The following SCNN1B variants were observed in gnomAD, a reference collection of about 807,000 sequenced individuals.
The protein encoded by SCNN1B is epithelial sodium channel subunit beta.
Under a neutral mutation model 65.3 loss-of-function variants are expected in SCNN1B, and 46 were observed. The observed-to-expected ratio is 0.70, with a 90% CI of 0.56 to 0.90. The LOEUF is 0.90. SCNN1B is among the 40% of genes least tolerant of loss of function. The pLI is 0.00. For missense variants in SCNN1B, 751 were observed against 830.5 expected (o/e 0.90, Z 1.18); for synonymous variants, 349 against 330.6 (o/e 1.06, Z -0.60).
chr16:23,377,391 G>A lies in SCNN1B; in HGVS notation c.1404+5G>A, dbSNP rs757660016. 6.2e-7 allele frequency: 1 copy of A among 1,614,106 alleles called. No individual in the cohort carries two copies. The highest frequency in any genetic ancestry group is 2.2e-5 in the East Asian group (1 of 44,880). ...TGGCCTTCTGAGGCCTCCGAGGTGA[G>A]ACAGTTGGGGGCCAAGCTCCTGGCT... On this transcript the variant is annotated splice_donor_5th_base_variant and intron_variant, in intron 10 of 12. Coordinates refer to ENST00000343070, the MANE Select transcript of SCNN1B (RefSeq NM_000336.3).
chr16:23,306,530 A>G (rs1391194413), intron 1 of SCNN1B, among the ~76,000 whole-genome samples: 1 of 117,126 alleles, frequency 8.5e-6, no homozygotes, highest in Non-Finnish European at 1.6e-5. Flanking sequence ...TGGTAGGAAC[A>G]TAAGTAAGGG....
intron 1 of SCNN1B, among the ~76,000 whole-genome samples, chr16:23,334,894 G>GT (rs1271785830): frequency 6.6e-6 from 1 of 152,086 alleles, no homozygotes; most frequent in Non-Finnish European, 1.5e-5. Flanking sequence ...ACATAAACGT[G>GT]TTTTTTTCCC....
chr16:23,296,730 A>G (rs1961002677), intron 2 of SCNN1B, among the ~76,000 whole-genome samples: 2 of 152,170 alleles, frequency 1.3e-5, no homozygotes, highest in Admixed American at 1.3e-4. Context: ...GGACGGGCGC[A>G]GTGCCTCAGG....
Position 23,375,670 on chromosome 16 carries a change from G to C in SCNN1B, c.1153-68G>C. 5.4e-6 allele frequency: 6 copies of C among 1,115,978 alleles called. No individual in the cohort carries two copies. In the South Asian group the frequency reaches 7.4e-5, roughly 14 times the overall value. 69.1% of individuals were successfully genotyped at this position (1,115,978 alleles called of 1,614,324 possible). The stretch of plus-strand genomic sequence containing the variant: ...GGGCATCACTTCTCTGGACACCCCT[G>C]GTGCTGGAATGGGGACATCACTGAC... On this transcript the variant is annotated intron_variant, in intron 7 of 12. Transcript: ENST00000343070.
At position 23,284,309 on chromosome 16, in the gene SCNN1B, G is replaced by A. The variant is rs570376633; in HGVS notation, n.178+505G>A. Among the ~76,000 whole-genome samples the A allele has an allele frequency of 3.3e-5, 5 of 152,178 alleles. No homozygotes were observed. In the South Asian group the frequency reaches 8.3e-4, roughly 25 times the overall value. On this transcript the variant is annotated intron_variant and non_coding_transcript_variant, in intron 2 of 3. Coordinates refer to the SCNN1B transcript ENST00000569789. ...AATCCCAGCTACTCGGGAGGCTGAGGTAGAAGAATTGCTTGAACCCAGGAG... is the reference window on the plus strand; with the variant it reads ...AATCCCAGCTACTCGGGAGGCTGAGATAGAAGAATTGCTTGAACCCAGGAG...
rs1002056316 is a variant in SCNN1B at position 23,365,434 on chromosome 16, GAAGA to G, written c.777-2409_777-2406del. On this transcript the variant is annotated intron_variant, in intron 4 of 12. Transcript: ENST00000343070. Reference sequence around the variant, plus strand: ...GAGAAAGAAAGAGAAAGAAAGGAAGGAAGAAAGAAAGAAAGAGAAGGAGAAAGAG... The same window carrying G: ...GAGAAAGAAAGAGAAAGAAAGGAAGGAAGAAAGAAAGAGAAGGAGAAAGAG... Among the ~76,000 whole-genome samples the G allele has an allele frequency of 7.6e-4, 104 of 135,952 alleles. 1 individual carries two copies. The highest frequency in any genetic ancestry group is 1.7e-3 in the South Asian group (7 of 4,188). 89.2% of individuals were successfully genotyped at this position (135,952 alleles called of 152,430 possible).
chr16:23,376,146 T>C (rs1394455111), intron 8 of SCNN1B, among the ~76,000 whole-genome samples: 1 of 152,254 alleles, frequency 6.6e-6, no homozygotes, highest in African/African-American at 2.4e-5. Flanking sequence ...TGCTCACACA[T>C]GTGCAACCCT....
chr16:23,302,025 G>A (rs187099952), upstream of SCNN1B, among the ~76,000 whole-genome samples: 3 of 152,226 alleles, frequency 2.0e-5, no homozygotes, highest in African/African-American at 7.2e-5. Context: ...TGTACTGAGG[G>A]GACGTGGGGT....
intron 1 of SCNN1B, among the ~76,000 whole-genome samples, chr16:23,342,687 GT>G (rs1172081741): frequency 6.6e-6 from 1 of 152,168 alleles, no homozygotes; most frequent in East Asian, 1.9e-4. Context: ...ATCTCCTAGT[GT>G]TTTAAGAAAG....
At chr16:23,325,298 A>C (rs1386383212) in intron 1 of SCNN1B, among the ~76,000 whole-genome samples, 1 of 151,708 alleles carries the variant, frequency 6.6e-6, no homozygotes, top group Non-Finnish European at 1.5e-5. Flanking sequence ...CTGGAGTCTC[A>C]CTTTGTCGCC....
intron 3 of SCNN1B, 82 bp downstream of exon 3, chr16:23,353,156 G>A (rs2142020533): frequency 3.4e-6 from 5 of 1,464,724 alleles, no homozygotes; most frequent in Non-Finnish European, 4.8e-6. Context: ...AGTAATTTGA[G>A]TCTCGCTGGG....
At chr16:23,378,625 C>A in intron 10 of SCNN1B, 81 bp from the exon 11 acceptor site, 1 of 1,330,856 alleles carries the variant, frequency 7.5e-7, no homozygotes, top group Non-Finnish European at 1.1e-6. Context: ...GGGCTGTGGT[C>A]TACCTCCCCC....
At chr16:23,287,020 TTG>T (rs962809069) in intron 2 of SCNN1B, among the ~76,000 whole-genome samples, 1 of 151,314 alleles carries the variant, frequency 6.6e-6, no homozygotes, top group African/African-American at 2.4e-5. Context: ...TTTTTTTTTT[TTG>T]AGACAGAGTT....
chr16:23,378,013 A>AT (rs564336750), intron 10 of SCNN1B, among the ~76,000 whole-genome samples: 42 of 152,110 alleles, frequency 2.8e-4, no homozygotes, highest in Non-Finnish European at 4.7e-4. Flanking sequence ...TTTTTACTTT[A>AT]TTTTTTATTT....
At chr16:23,333,190 GA>G (rs1961861932) in intron 1 of SCNN1B, among the ~76,000 whole-genome samples, 2 of 132,374 alleles carry the variant, frequency 1.5e-5, no homozygotes, top group Admixed American at 1.5e-4. Context: ...AGGAAGGAAG[GA>G]AGGAAGGAAG....
intron 11 of SCNN1B, among the ~76,000 whole-genome samples, chr16:23,379,435 G>A (rs1263181339): frequency 6.6e-6 from 1 of 152,132 alleles, no homozygotes; most frequent in Non-Finnish European, 1.5e-5. Flanking sequence ...AGAGATAAGG[G>A]AGGTCTGCGT....
rs556578839 is a variant in SCNN1B, at chr16:23,316,134, TCAC to T, written c.-9+13703_-9+13705del. Among the ~76,000 whole-genome samples, 171 of 135,072 alleles carry T rather than the reference TCAC, an allele frequency of 1.3e-3. 2 individuals carry two copies. The highest frequency in any genetic ancestry group is 4.4e-3 in the Middle Eastern group (1 of 228). 88.6% of individuals were successfully genotyped at this position (135,072 alleles called of 152,430 possible). A position where few individuals can be genotyped will look rare whatever the true frequency, so the allele number is the denominator to read the frequency against. The stretch of plus-strand genomic sequence containing the variant: ...ATCACCATCACCACCATCACTATCC[TCAC>T]CACCATCACCATCATCACCATCACC... On this transcript the variant is annotated intron_variant, in intron 1 of 12. Coordinates refer to ENST00000343070, the MANE Select transcript of SCNN1B (RefSeq NM_000336.3).
chr16:23,380,748 C>A lies in SCNN1B; in HGVS notation c.1870C>A (p.Arg624Ser). The change falls in exon 13 of 13, where the codon CGT (arginine) becomes AGT (serine). Residue 624 changes from arginine to serine, a missense_variant. By Grantham distance (110) the Arg-to-Ser change is moderately radical. Transcript: ENST00000343070. The surrounding 1 kb of genome is among the most constrained non-coding windows in gnomAD (Gnocchi z 5.4). ...CCCGCCCCCCAACTATGACTCCCTG[C>A]GTCTGCAGCCGCTGGACGTCATCGA... is the stretch of plus-strand genomic sequence containing the variant. ...GTPPPNYDSL[R>S]LQPLDVIESD... 6 of 1,612,592 alleles carry A rather than the reference C, an allele frequency of 3.7e-6. No individual in the cohort carries two copies. The highest frequency in any genetic ancestry group is 1.3e-5 in the African/African-American group (1 of 75,022).
upstream of SCNN1B, among the ~76,000 whole-genome samples, chr16:23,297,650 A>G (rs1010288062): frequency 2.0e-5 from 3 of 152,226 alleles, no homozygotes; most frequent in African/African-American, 7.2e-5. Context: ...TCAATGAAAG[A>G]GTCCTTGAAT....
Sources: allele counts gnomAD v4.1 joint callset (sites outside exome capture counted in the v4.1 genomes callset), GRCh38; gene constraint gnomAD v4.1.1; non-coding constraint Gnocchi (gnomAD v3.1); transcripts MANE v1.5; gene names NCBI Gene and HGNC (gene_info 2026-07-23, HGNC 2026-07-21).